Variants in TTC23 observed in about 807,000 individuals in gnomAD.
TTC23 encodes the protein tetratricopeptide repeat domain 23, also known as tetratricopeptide repeat protein 23.
Under a neutral mutation model 55.1 loss-of-function variants are expected in TTC23, and 58 were observed. The observed-to-expected ratio is 1.05, with a 90% CI of 0.85 to 1.31. The LOEUF (loss-of-function observed/expected upper bound fraction) is 1.31, where lower values mean the gene tolerates loss of function less well. Among genes scored for constraint, TTC23 ranks in the 50% most tolerant of loss-of-function variants. The pLI, the probability that TTC23 is intolerant of heterozygous loss-of-function variation, is 0.00. For missense variants in TTC23, 516 were observed against 534.4 expected (o/e 0.97, Z 0.34); for synonymous variants, 203 against 199.9 (o/e 1.02, Z -0.13).
At chr15:99,226,309 C>T (rs1366390714) in intron 5 of TTC23, among the ~76,000 whole-genome samples, 1 of 152,046 alleles carries the variant, frequency 6.6e-6, no homozygotes, top group Non-Finnish European at 1.5e-5. Context: ...AAGGGAATAG[C>T]TTTATTCTTA....
chr15:99,237,719 G>T (rs1199756196), intron 3 of TTC23, among the ~76,000 whole-genome samples: 1 of 152,164 alleles, frequency 6.6e-6, no homozygotes, highest in Non-Finnish European at 1.5e-5. Context: ...CAAGGGGCAT[G>T]AGGAAACTTT....
intron 9 of TTC23, among the ~76,000 whole-genome samples, chr15:99,176,800 T>C (rs1179236976): frequency 1.3e-5 from 2 of 152,226 alleles, no homozygotes; most frequent in Non-Finnish European, 2.9e-5. Context: ...TGGGTGATTA[T>C]GATATCTCAC....
intron 12 of TTC23, among the ~76,000 whole-genome samples, chr15:99,145,951 G>GT (rs1254275066): frequency 6.6e-6 from 1 of 152,300 alleles, no homozygotes; most frequent in Non-Finnish European, 1.5e-5. Context: ...CTCGCCCTGA[G>GT]TATCTCCTGG....
intron 9 of TTC23, among the ~76,000 whole-genome samples, chr15:99,194,075 C>T (rs1443209361): frequency 6.6e-6 from 1 of 151,792 alleles, no homozygotes; most frequent in Non-Finnish European, 1.5e-5. Context: ...GAACTCATAG[C>T]TGAGACGTTG....
intron 12 of TTC23, chr15:99,144,308 G>T (rs1392893944): frequency 6.6e-6 from 1 of 152,180 alleles, no homozygotes; most frequent in African/African-American, 2.4e-5. Context: ...GGACAGAGGG[G>T]TGGCTCAGTG....
At chr15:99,185,593 C>G (rs2074586203) in intron 9 of TTC23, among the ~76,000 whole-genome samples, 1 of 152,104 alleles carries the variant, frequency 6.6e-6, no homozygotes, top group Admixed American at 6.6e-5. Flanking sequence ...AAAAAGCAAC[C>G]CAAGCTAGCA....
At position 99,159,304 on chromosome 15, in the gene TTC23, A is replaced by G. The variant is rs2623196; in HGVS notation, c.993+2436T>C. 3.3e-5 allele frequency: 5 copies of G among 152,070 alleles called. No homozygotes were observed. In the South Asian group the frequency reaches 1.0e-3, roughly 32 times the overall value. The allele number at this position is 152,070 out of a possible 1,614,324, so 9.4% of individuals were successfully genotyped here. A position where few individuals can be genotyped will look rare whatever the true frequency, so the allele number is the denominator to read the frequency against. On this transcript the variant is annotated intron_variant, in intron 11 of 13. Transcript: ENST00000394132. ...CTGGCCTGTGGCCAAACATGCATCC[A>G]CCTCTCTGCTCATCACTCCTCACCA... is the stretch of plus-strand genomic sequence containing the variant.
chr15:99,214,525 A>AAAG (rs1555527988), intron 8 of TTC23, among the ~76,000 whole-genome samples: 4 of 150,794 alleles, frequency 2.7e-5, no homozygotes, highest in Non-Finnish European at 5.9e-5. Flanking sequence ...AAAAAAAAAA[A>AAAG]AGAGATCCTC....
chr15:99,158,554 G>A (rs2070929402), intron 11 of TTC23: 1 of 152,474 alleles, frequency 6.6e-6, no homozygotes, highest in African/African-American at 2.4e-5. Context: ...GGGAGCACAG[G>A]AGGAACACAT....
Position 99,240,063 on chromosome 15 carries a change from T to C in TTC23, c.-114+1302A>G, listed in dbSNP as rs556647718. ...AGCAGTGGGAAGCAAATGCTGTTGCTTTGGAAACCTAAGCCTGCATTTTAA... is the reference window on the plus strand; with the variant it reads ...AGCAGTGGGAAGCAAATGCTGTTGCCTTGGAAACCTAAGCCTGCATTTTAA... On this transcript the variant is annotated intron_variant, in intron 3 of 13. Coordinates refer to ENST00000394132, the MANE Select transcript of TTC23 (RefSeq NM_001288615.3). Among the ~76,000 whole-genome samples the C allele has an allele frequency of 1.5e-4, 23 of 152,356 alleles. No homozygotes were observed. In the East Asian group the frequency reaches 3.7e-3, roughly 24 times the overall value.
intron 8 of TTC23, among the ~76,000 whole-genome samples, chr15:99,207,264 A>C (rs1415365053): frequency 6.6e-6 from 1 of 152,210 alleles, no homozygotes; most frequent in Non-Finnish European, 1.5e-5. Flanking sequence ...TACACATCTG[A>C]AGTACATACA....
chr15:99,200,683 G>A (rs1398715817), intron 8 of TTC23, among the ~76,000 whole-genome samples: 5 of 151,946 alleles, frequency 3.3e-5, no homozygotes, highest in Non-Finnish European at 7.4e-5. Context: ...ACACACACAC[G>A]CACATACACA....
In TTC23 at chr15:99,219,006, T is replaced by C; in HGVS notation, c.347A>G (p.Gln116Arg). 6.2e-7 allele frequency: 1 copy of C among 1,614,196 alleles called. No homozygotes were observed. Among genetic ancestry groups the C allele is most frequent in the East Asian group, 2.2e-5 (1 of 44,886 alleles). ...QAKQHAEKAR[Q>R]ILANSIVPPY... Reference sequence around the variant, plus strand: ...AGGCACAATGGAGTTGGCGAGGATTTGTCTGGCTTTTTCTGCATGTTGTTT... The same window carrying C: ...AGGCACAATGGAGTTGGCGAGGATTCGTCTGGCTTTTTCTGCATGTTGTTT... The change falls in exon 7 of 14, where the codon CAA (glutamine) becomes CGA (arginine). Residue 116 changes from glutamine to arginine, a missense_variant. Coordinates refer to ENST00000394132, the MANE Select transcript of TTC23 (RefSeq NM_001288615.3).
chr15:99,138,911 G>A (rs973867874), intron 13 of TTC23, among the ~76,000 whole-genome samples: 1 of 152,230 alleles, frequency 6.6e-6, no homozygotes, highest in African/African-American at 2.4e-5. Flanking sequence ...CTCGGGCTGA[G>A]AAAGGACGTA....
chr15:99,226,618 A>G lies in TTC23; in HGVS notation c.180+1915T>C, dbSNP rs564311326. The stretch of plus-strand genomic sequence containing the variant: ...AAGTGAACTGACAGCCTCTCTCACT[A>G]TATTTAATGTCAGCTTGCAGCTTCT... On this transcript the variant is annotated intron_variant, in intron 5 of 13. Coordinates refer to ENST00000394132, the MANE Select transcript of TTC23 (RefSeq NM_001288615.3). 3.9e-3 allele frequency among the ~76,000 whole-genome samples: 590 copies of G among 152,290 alleles called. 4 individuals carry two copies. Among genetic ancestry groups the G allele is most frequent in the African/African-American group, 0.013 (523 of 41,564 alleles).
intron 8 of TTC23, 124 bp downstream of exon 8, chr15:99,218,464 C>A: frequency 1.6e-6 from 2 of 1,271,164 alleles, no homozygotes; most frequent in Admixed American, 4.1e-5. Flanking sequence ...TTTACTTTTA[C>A]ACAGTGACCT....
At chr15:99,181,873 C>T (rs1039740757) in intron 9 of TTC23, among the ~76,000 whole-genome samples, 1 of 152,158 alleles carries the variant, frequency 6.6e-6, no homozygotes, top group African/African-American at 2.4e-5. Flanking sequence ...AAGCCAGTTT[C>T]TTTTAATAGT....
chr15:99,222,265 G>A (rs970458692), intron 5 of TTC23, among the ~76,000 whole-genome samples: 11 of 152,154 alleles, frequency 7.2e-5, no homozygotes, highest in African/African-American at 2.7e-4. Flanking sequence ...CTTTGTGTGT[G>A]TGTGTATGTG....
intron 2 of TTC23, among the ~76,000 whole-genome samples, chr15:99,242,288 A>T (rs1371198826): frequency 6.6e-6 from 1 of 152,036 alleles, no homozygotes; most frequent in African/African-American, 2.4e-5. Flanking sequence ...AAATAGTGAT[A>T]AAAAAATAAC....
Sources: allele counts gnomAD v4.1 joint callset (sites outside exome capture counted in the v4.1 genomes callset), GRCh38; gene constraint gnomAD v4.1.1; transcripts MANE v1.5; gene names NCBI Gene and HGNC (gene_info 2026-07-23, HGNC 2026-07-21).